EPHA5: variants seen among roughly 807,000 people sequenced by gnomAD.
EPHA5 encodes the protein EPH receptor A5.
In EPHA5, 60 loss-of-function variants were observed where a neutral mutation model predicts 105.0. That is an observed-to-expected ratio of 0.57 (90% confidence interval 0.46 to 0.71). The LOEUF (loss-of-function observed/expected upper bound fraction) is 0.71, where lower values mean the gene tolerates loss of function less well. EPHA5 is among the 30% of genes least tolerant of loss of function. EPHA5 has a pLI of 0.00. For missense variants in EPHA5, 1,218 were observed against 1,274.7 expected (o/e 0.96, Z 0.68); for synonymous variants, 513 against 449.1 (o/e 1.14, Z -1.80).
chr4:65,582,199 A>T (rs913344615), intron 3 of EPHA5, among the ~76,000 whole-genome samples: 2 of 151,760 alleles, frequency 1.3e-5, no homozygotes, highest in African/African-American at 4.8e-5. Flanking sequence ...CTGTGATAAG[A>T]TAGATATGTA....
intron 7 of EPHA5, among the ~76,000 whole-genome samples, chr4:65,407,095 T>A (rs1041011950): frequency 2.0e-5 from 3 of 152,120 alleles, no homozygotes; most frequent in Non-Finnish European, 4.4e-5. Context: ...GCCTTCTATG[T>A]ACTCAAATTA....
chr4:65,621,628 A>T (rs963067504), intron 2 of EPHA5, among the ~76,000 whole-genome samples: 1 of 152,166 alleles, frequency 6.6e-6, no homozygotes, highest in African/African-American at 2.4e-5. Context: ...AGGTGTGTTC[A>T]GAAATAACAA....
At chr4:65,398,693 CA>C (rs952317437) in intron 8 of EPHA5, among the ~76,000 whole-genome samples, 48 of 152,134 alleles carry the variant, frequency 3.2e-4, no homozygotes, top group African/African-American at 1.1e-3. Context: ...TTCCTGCCTG[CA>C]AATAGGAGCT....
intron 5 of EPHA5, among the ~76,000 whole-genome samples, chr4:65,441,605 G>T (rs1223113242): frequency 6.6e-6 from 1 of 152,098 alleles, no homozygotes; most frequent in Non-Finnish European, 1.5e-5. Context: ...CAATTGGAAT[G>T]ACCTAGAAGA....
chr4:65,360,935 T>A (rs1717247141), intron 11 of EPHA5, among the ~76,000 whole-genome samples: 1 of 151,584 alleles, frequency 6.6e-6, no homozygotes, highest in South Asian at 2.1e-4. Context: ...ATAAAACATG[T>A]GCAGATTTAA....
At chr4:65,346,519 G>A (rs957546708) in intron 14 of EPHA5, among the ~76,000 whole-genome samples, 3 of 151,836 alleles carry the variant, frequency 2.0e-5, no homozygotes, top group Non-Finnish European at 2.9e-5. Flanking sequence ...TATATACATG[G>A]TGTGAAGTTG....
chr4:65,473,590 T>C (rs986780349), intron 5 of EPHA5, among the ~76,000 whole-genome samples: 7 of 152,108 alleles, frequency 4.6e-5, no homozygotes, highest in Non-Finnish European at 8.8e-5. Flanking sequence ...ACTCACTCAA[T>C]ATCACAAGAA....
chr4:65,645,055 A>G (rs1403393229), intron 1 of EPHA5, among the ~76,000 whole-genome samples: 3 of 152,080 alleles, frequency 2.0e-5, no homozygotes, highest in Admixed American at 6.6e-5. Flanking sequence ...TATTCTTTAA[A>G]AAACAAACAA....
At chr4:65,522,312 A>ATG (rs1215298113) in intron 3 of EPHA5, among the ~76,000 whole-genome samples, 3 of 111,264 alleles carry the variant, frequency 2.7e-5, no homozygotes, top group African/African-American at 8.7e-5. Context: ...GTGTATATAT[A>ATG]TATGTATATA....
intron 3 of EPHA5, among the ~76,000 whole-genome samples, chr4:65,500,605 T>G (rs2149239770): frequency 6.6e-6 from 1 of 151,246 alleles, no homozygotes; most frequent in Admixed American, 6.6e-5. Flanking sequence ...TCAATTAAAT[T>G]TCTTTTAATG....
At chr4:65,395,127 A>G (rs1345782337) in intron 8 of EPHA5, among the ~76,000 whole-genome samples, 1 of 152,184 alleles carries the variant, frequency 6.6e-6, no homozygotes, top group East Asian at 1.9e-4. Context: ...TAACATAAGA[A>G]CTGTGCCAGG....
At chr4:65,588,058 T>G (rs1742288985) in intron 3 of EPHA5, among the ~76,000 whole-genome samples, 1 of 152,188 alleles carries the variant, frequency 6.6e-6, no homozygotes, top group Admixed American at 6.6e-5. Flanking sequence ...AAATGTCAAT[T>G]TACCACTTTC....
intron 5 of EPHA5, among the ~76,000 whole-genome samples, chr4:65,485,223 A>G (rs1186726018): frequency 6.6e-6 from 1 of 151,872 alleles, no homozygotes; most frequent in Non-Finnish European, 1.5e-5. Context: ...GTAATTGGCC[A>G]AAGAATTCTT....
At chr4:65,422,513 G>T (rs6551925) in intron 5 of EPHA5, among the ~76,000 whole-genome samples, 135,884 of 152,112 alleles carry the variant, frequency 0.89, 62,006 homozygotes, top group East Asian at 1. Context: ...TATGCTTGTA[G>T]AATTTTGATG....
intron 2 of EPHA5, among the ~76,000 whole-genome samples, chr4:65,618,390 T>C (rs1745427270): frequency 6.6e-6 from 1 of 152,156 alleles, no homozygotes; most frequent in Admixed American, 6.6e-5. Flanking sequence ...CATATAATTA[T>C]TGAAAAATTT....
chr4:65,493,537 C>T (rs1379494719), intron 4 of EPHA5, among the ~76,000 whole-genome samples: 2 of 152,250 alleles, frequency 1.3e-5, no homozygotes, highest in South Asian at 4.1e-4. Context: ...CAACTAAAAA[C>T]ATACACACAC....
At chr4:65,640,675 T>C (rs527948606) in intron 2 of EPHA5, among the ~76,000 whole-genome samples, 1 of 152,210 alleles carries the variant, frequency 6.6e-6, no homozygotes, top group South Asian at 2.1e-4. Context: ...TCAACTTCGC[T>C]GAGGGTCTGT....
chr4:65,508,208 T>C (rs1388879365), intron 3 of EPHA5, among the ~76,000 whole-genome samples: 1 of 152,126 alleles, frequency 6.6e-6, no homozygotes, highest in Non-Finnish European at 1.5e-5. Context: ...AAAGAAAAGC[T>C]TAATGGCCTG....
intron 3 of EPHA5, among the ~76,000 whole-genome samples, chr4:65,539,694 A>G (rs968878723): frequency 6.6e-6 from 1 of 151,660 alleles, no homozygotes; most frequent in African/African-American, 2.4e-5. Flanking sequence ...AGGCATGAAA[A>G]AAGTTTCTTA....
Sources: gnomAD v4.1 joint callset for allele counts (sites outside exome capture counted in the v4.1 genomes callset) on GRCh38, gnomAD v4.1.1 for gene constraint, MANE v1.5 for transcripts, NCBI Gene and HGNC (gene_info 2026-07-23, HGNC 2026-07-21) for gene names.